Variants in KIRREL3 observed in about 807,000 individuals in gnomAD.
KIRREL3 encodes the protein kin of IRRE-like protein 3.
KIRREL3 carries 36 observed loss-of-function variants against 89.7 expected under a neutral mutation model. The ratio of observed to expected loss-of-function variants is 0.40; its 90% confidence interval spans 0.31 to 0.53. The LOEUF (loss-of-function observed/expected upper bound fraction) is 0.53. Among genes scored for constraint, KIRREL3 ranks in the 20% least tolerant of loss-of-function variants. The pLI is 0.49. For synonymous variants in KIRREL3, 445 were observed against 441.4 expected, an observed-to-expected ratio of 1.01 and a Z score of -0.10; for missense variants, 864 against 1,056.6, an observed-to-expected ratio of 0.82 and a Z score of 2.53.
chr11:126,428,939 A>C lies in KIRREL3; in HGVS notation c.1806+240T>G, dbSNP rs1487921017. Among the ~76,000 whole-genome samples the C allele has an allele frequency of 6.6e-6, 1 of 152,208 alleles. No individual in the cohort carries two copies. Among genetic ancestry groups the C allele is most frequent in the Non-Finnish European group, 1.5e-5 (1 of 68,042 alleles). ...TGGGATTGCAAGCGTGAGCCACTGC[A>C]CCTGGCCTGGACTGCATCTTAGATG... On this transcript the variant is annotated intron_variant, in intron 15 of 16. Coordinates refer to ENST00000525144, the MANE Select transcript of KIRREL3 (RefSeq NM_032531.4). The surrounding 1 kb of genome is among the most constrained non-coding windows in gnomAD (Gnocchi z 6.4).
intron 1 of KIRREL3, among the ~76,000 whole-genome samples, chr11:126,774,681 C>G (rs1244756483): frequency 2.6e-5 from 4 of 152,168 alleles, no homozygotes; most frequent in Admixed American, 2.6e-4. Flanking sequence ...TCATCAAGTT[C>G]TCTCAGGTCC....
Position 126,555,814 on chromosome 11 carries a change from C to T in KIRREL3, c.133+7021G>A, listed in dbSNP as rs543860553. 5.3e-5 allele frequency among the ~76,000 whole-genome samples: 8 copies of T among 151,226 alleles called. No individual in the cohort carries two copies. Among genetic ancestry groups the T allele is most frequent in the South Asian group, 2.1e-4 (1 of 4,798 alleles). The stretch of plus-strand genomic sequence containing the variant: ...GGAGTGCAGTGGCACGATCTCGGCT[C>T]ACTGCAACCTCCGCCTCCCAGGTTC... On this transcript the variant is annotated intron_variant, in intron 2 of 16. Transcript: ENST00000525144. The surrounding 1 kb of genome is among the most constrained non-coding windows in gnomAD (Gnocchi z 4.2).
intron 1 of KIRREL3, among the ~76,000 whole-genome samples, chr11:126,813,168 G>A (rs532252050): frequency 2.0e-5 from 3 of 152,138 alleles, no homozygotes; most frequent in Admixed American, 6.5e-5. Flanking sequence ...TCAGCAACTC[G>A]TTTGAGCTGA....
intron 12 of KIRREL3, among the ~76,000 whole-genome samples, chr11:126,435,906 G>A (rs760142868): frequency 1.3e-5 from 2 of 152,072 alleles, no homozygotes; most frequent in African/African-American, 2.4e-5. Flanking sequence ...AGGCCCAGCT[G>A]AGCACGAATC....
intron 1 of KIRREL3, among the ~76,000 whole-genome samples, chr11:126,631,119 GTATGTATTCATT>G (rs957161352): frequency 4.3e-5 from 5 of 115,342 alleles, no homozygotes; most frequent in African/African-American, 1.3e-4. Context: ...CAGTCTGTAT[GTATGTATTCATT>G]CATTCATTCA....
upstream of KIRREL3, among the ~76,000 whole-genome samples, chr11:127,002,172 T>C (rs73018733): frequency 0.042 from 6,438 of 152,310 alleles, 264 homozygotes; most frequent in East Asian, 0.12. Context: ...AGCAGGGGCA[T>C]ATAGAAGTGT....
intron 13 of KIRREL3, among the ~76,000 whole-genome samples, chr11:126,434,938 C>A (rs558075091): frequency 2.6e-5 from 4 of 152,060 alleles, no homozygotes; most frequent in Non-Finnish European, 5.9e-5. Context: ...AGGACAGGGG[C>A]CAGCTGACCC....
chr11:126,972,852 A>G (rs1949465261), intron 1 of KIRREL3, among the ~76,000 whole-genome samples: 1 of 152,152 alleles, frequency 6.6e-6, no homozygotes, highest in South Asian at 2.1e-4. Flanking sequence ...GCAGAGGAAT[A>G]AAAAGGAAAA....
rs1057096893 is a variant in KIRREL3, at chr11:126,736,477, G to A, written c.56-173565C>T. Reference sequence around the variant, plus strand: ...TTTCTAAACAGAGAACTGGAGAGCTGGAAGGACCCTCAGAGATCATCTGGG... The same window carrying A: ...TTTCTAAACAGAGAACTGGAGAGCTAGAAGGACCCTCAGAGATCATCTGGG... On this transcript the variant is annotated intron_variant, in intron 1 of 16. Transcript: ENST00000525144. This position sits in a 1 kb window ranked among gnomAD's most constrained non-coding sequence, Gnocchi z 5.0. Among the ~76,000 whole-genome samples the A allele has an allele frequency of 6.6e-6, 1 of 152,156 alleles. No homozygotes were observed. Among genetic ancestry groups the A allele is most frequent in the East Asian group, 1.9e-4 (1 of 5,186 alleles).
At position 126,427,534 on chromosome 11, in the gene KIRREL3, G is replaced by A. The variant is rs1003402685; in HGVS notation, c.1806+1645C>T. 6.6e-6 allele frequency among the ~76,000 whole-genome samples: 1 copy of A among 152,222 alleles called. No homozygotes were observed. The highest frequency in any genetic ancestry group is 2.4e-5 in the African/African-American group (1 of 41,454). On this transcript the variant is annotated intron_variant, in intron 15 of 16. Transcript: ENST00000525144. The surrounding 1 kb of genome is among the most constrained non-coding windows in gnomAD (Gnocchi z 5.3). ...TTAGCAGGCAGAGAGAACAGCCGGTGCACAGGCCTTTGAAGTCCAAAAGAT... is the reference window on the plus strand; with the variant it reads ...TTAGCAGGCAGAGAGAACAGCCGGTACACAGGCCTTTGAAGTCCAAAAGAT...
rs538999843 is a variant in KIRREL3, at chr11:126,491,748, C to T, written c.434-18282G>A. ...ACGGAGTCTTGCTCTGTCACCCAAGCTGGAGTTCAGTGGCATGATCTCGGC... is the reference window on the plus strand; with the variant it reads ...ACGGAGTCTTGCTCTGTCACCCAAGTTGGAGTTCAGTGGCATGATCTCGGC... On this transcript the variant is annotated intron_variant, in intron 4 of 16. Coordinates refer to ENST00000525144, the MANE Select transcript of KIRREL3 (RefSeq NM_032531.4). The surrounding 1 kb of genome is among the most constrained non-coding windows in gnomAD (Gnocchi z 5.5). Among the ~76,000 whole-genome samples, 15 of 152,078 alleles carry T rather than the reference C, an allele frequency of 9.9e-5. No homozygotes were observed. Among genetic ancestry groups the T allele is most frequent in the Admixed American group, 9.2e-4 (14 of 15,260 alleles).
At chr11:126,770,396 G>A (rs1235158896) in intron 1 of KIRREL3, among the ~76,000 whole-genome samples, 1 of 152,176 alleles carries the variant, frequency 6.6e-6, no homozygotes, top group Non-Finnish European at 1.5e-5. Context: ...CAGTCGCAGC[G>A]ACACTGGGGG....
At chr11:126,893,395 G>T (rs1946003996) in intron 1 of KIRREL3, among the ~76,000 whole-genome samples, 2 of 152,162 alleles carry the variant, frequency 1.3e-5, no homozygotes, top group Non-Finnish European at 2.9e-5. Flanking sequence ...TGATTGCAAG[G>T]TCATTTTGCT....
rs1307585183 is a variant in KIRREL3, at chr11:126,655,189, A to C, written c.56-92277T>G. Among the ~76,000 whole-genome samples the C allele has an allele frequency of 6.6e-6, 1 of 152,252 alleles. No homozygotes were observed. Among genetic ancestry groups the C allele is most frequent in the Non-Finnish European group, 1.5e-5 (1 of 68,042 alleles). ...AGGGTTGGGGTACGGGGAAAGGGGT[A>C]AGAAAGGAGATTAGTCACTTGAGTC... On this transcript the variant is annotated intron_variant, in intron 1 of 16. Coordinates refer to ENST00000525144, the MANE Select transcript of KIRREL3 (RefSeq NM_032531.4). The surrounding 1 kb of genome is among the most constrained non-coding windows in gnomAD (Gnocchi z 5.0).
At chr11:126,548,145 C>A (rs148068306) in intron 2 of KIRREL3, among the ~76,000 whole-genome samples, 2 of 152,172 alleles carry the variant, frequency 1.3e-5, no homozygotes, top group Non-Finnish European at 2.9e-5. Context: ...CCTCCACGAG[C>A]CTGTCATCTG....
chr11:127,000,903 C>T, upstream of KIRREL3: 1 of 390,348 alleles, frequency 2.6e-6, no homozygotes, highest in Admixed American at 4.4e-5. This position sits in a 1 kb window ranked among gnomAD's most constrained non-coding sequence, Gnocchi z 7.1. Flanking sequence ...GGAGACAGGT[C>T]ATAATTAAAG....
chr11:126,910,943 A>G (rs1276579018), intron 1 of KIRREL3, among the ~76,000 whole-genome samples: 1 of 152,208 alleles, frequency 6.6e-6, no homozygotes, highest in Non-Finnish European at 1.5e-5. Context: ...AGACTGAAAG[A>G]CAGATGTTCT....
intron 1 of KIRREL3, among the ~76,000 whole-genome samples, chr11:126,878,908 G>A (rs1945393279): frequency 6.6e-6 from 1 of 152,206 alleles, no homozygotes; most frequent in South Asian, 2.1e-4. Flanking sequence ...GAGAAATGGT[G>A]TGGCCAAGAA....
At chr11:126,865,293 T>C (rs2134639370) in intron 1 of KIRREL3, among the ~76,000 whole-genome samples, 1 of 152,370 alleles carries the variant, frequency 6.6e-6, no homozygotes, top group Admixed American at 6.5e-5. Flanking sequence ...TCACCCTCCC[T>C]GCAGACTAAG....
Sources: allele counts gnomAD v4.1 joint callset (sites outside exome capture counted in the v4.1 genomes callset), GRCh38; gene constraint gnomAD v4.1.1; non-coding constraint Gnocchi (gnomAD v3.1); transcripts MANE v1.5; gene names NCBI Gene and HGNC (gene_info 2026-07-23, HGNC 2026-07-21).